The following PABPC4L variants were observed in gnomAD, a reference collection of about 807,000 sequenced individuals.
The protein encoded by PABPC4L is polyadenylate-binding protein 4-like.
For synonymous variants in PABPC4L, 169 were observed against 164.1 expected (o/e 1.03, Z -0.23); for missense variants, 452 against 451.4 (o/e 1.00, Z -0.01).
chr4:134,101,289 T>C, the PABPC4L span, among the ~76,000 whole-genome samples: 1 of 151,562 alleles, frequency 6.6e-6, no homozygotes, highest in Non-Finnish European at 1.5e-5. Flanking sequence ...ATTTTGAAGT[T>C]TTCCATTAAA....
chr4:134,178,276 A>G, the PABPC4L span, among the ~76,000 whole-genome samples: 1 of 151,682 alleles, frequency 6.6e-6, no homozygotes, highest in Non-Finnish European at 1.5e-5. Flanking sequence ...GGTTCCTCCA[A>G]GACCAGGAAT....
chr4:134,060,539 G>C, the PABPC4L span, among the ~76,000 whole-genome samples: 19 of 151,770 alleles, frequency 1.3e-4, no homozygotes, highest in East Asian at 5.9e-4. Flanking sequence ...AGTCAGAGTT[G>C]TGAGGTCACC....
the PABPC4L span, among the ~76,000 whole-genome samples, chr4:134,058,605 C>A: frequency 1.3e-5 from 2 of 151,942 alleles, no homozygotes; most frequent in African/African-American, 4.8e-5. Context: ...ATATGATATC[C>A]TGAGTGTGAA....
chr4:134,100,387 C>T, the PABPC4L span, among the ~76,000 whole-genome samples: 1 of 151,478 alleles, frequency 6.6e-6, no homozygotes, highest in Non-Finnish European at 1.5e-5. Flanking sequence ...ACATTACTTG[C>T]TTTATATAAA....
Position 134,198,082 on chromosome 4 carries a change from A to C in PABPC4L, c.*1825T>G, listed in dbSNP as rs1729722303. The C allele has an allele frequency of 6.6e-6, 1 of 151,792 alleles. No homozygotes were observed. The highest frequency in any genetic ancestry group is 1.5e-5 in the Non-Finnish European group (1 of 67,696). The allele number at this position is 151,792 out of a possible 1,614,324, so 9.4% of individuals were successfully genotyped here. A position where few individuals can be genotyped will look rare whatever the true frequency, so the allele number is the denominator to read the frequency against. On this transcript the variant is annotated 3_prime_UTR_variant, in exon 2 of 2. Coordinates refer to ENST00000421491, the MANE Select transcript of PABPC4L (RefSeq NM_001114734.2). ...ACAAGAAGTTTATCAATAAGAAATT[A>C]GTTATATTTTGGTACAGTCATTGAA...
chr4:134,016,368 G>T, the PABPC4L span, among the ~76,000 whole-genome samples: 1 of 152,094 alleles, frequency 6.6e-6, no homozygotes, highest in Non-Finnish European at 1.5e-5. Context: ...TATCAGTAAT[G>T]CCTCTTTAAT....
the PABPC4L span, among the ~76,000 whole-genome samples, chr4:134,001,809 A>T: frequency 6.6e-6 from 1 of 152,230 alleles, no homozygotes; most frequent in Non-Finnish European, 1.5e-5. Context: ...ATTATAAATC[A>T]TATCTATAGT....
the PABPC4L span, among the ~76,000 whole-genome samples, chr4:134,020,389 T>C: frequency 6.6e-6 from 1 of 152,110 alleles, no homozygotes; most frequent in Non-Finnish European, 1.5e-5. Flanking sequence ...AAACAATCAA[T>C]GTTATTATCT....
chr4:134,067,931 T>A, the PABPC4L span, among the ~76,000 whole-genome samples: 1 of 152,138 alleles, frequency 6.6e-6, no homozygotes, highest in Non-Finnish European at 1.5e-5. Flanking sequence ...TGCTAAGAAT[T>A]ATTTTATGGC....
chr4:133,962,796 C>A, the PABPC4L span, among the ~76,000 whole-genome samples: 1 of 152,148 alleles, frequency 6.6e-6, no homozygotes, highest in African/African-American at 2.4e-5. Context: ...TTCACACAAA[C>A]AAATGCTGAG....
chr4:134,017,252 A>C, the PABPC4L span, among the ~76,000 whole-genome samples: 1 of 152,102 alleles, frequency 6.6e-6, no homozygotes, highest in Non-Finnish European at 1.5e-5. Context: ...AGGACTACAC[A>C]ATACTTTTAT....
chr4:134,165,847 T>C, the PABPC4L span, among the ~76,000 whole-genome samples: 6 of 152,270 alleles, frequency 3.9e-5, no homozygotes, highest in Admixed American at 3.3e-4. Context: ...ATGCTTATCA[T>C]AGCGCCATTC....
chr4:134,098,672 T>C, the PABPC4L span, among the ~76,000 whole-genome samples: 1 of 151,604 alleles, frequency 6.6e-6, no homozygotes, highest in Non-Finnish European at 1.5e-5. Context: ...TATGTAAGCT[T>C]ATGAAAGAGG....
the PABPC4L span, among the ~76,000 whole-genome samples, chr4:134,017,690 C>T: frequency 1.3e-5 from 2 of 152,050 alleles, no homozygotes; most frequent in African/African-American, 2.4e-5. Flanking sequence ...TCTCTTATTC[C>T]GTTTAGTTTT....
the PABPC4L span, among the ~76,000 whole-genome samples, chr4:133,968,163 A>T: frequency 6.6e-6 from 1 of 152,148 alleles, no homozygotes; most frequent in Admixed American, 6.5e-5. Context: ...TGGCATAGGG[A>T]ACTAGACCAG....
At chr4:134,050,577 C>T in the PABPC4L span, among the ~76,000 whole-genome samples, 7 of 151,792 alleles carry the variant, frequency 4.6e-5, no homozygotes, top group Admixed American at 1.3e-4. Flanking sequence ...TGGTAGCAGG[C>T]GCCTGTAAAC....
the PABPC4L span, among the ~76,000 whole-genome samples, chr4:134,144,525 C>G: frequency 6.8e-6 from 1 of 146,022 alleles, no homozygotes; most frequent in East Asian, 2.0e-4. Context: ...AGCAGGGACA[C>G]AGAAAAAAAT....
chr4:134,171,123 G>T, the PABPC4L span, among the ~76,000 whole-genome samples: 1 of 151,750 alleles, frequency 6.6e-6, no homozygotes, highest in Non-Finnish European at 1.5e-5. Context: ...TATGTTTTTG[G>T]CCACTTGTAT....
chr4:134,090,848 T>C, the PABPC4L span, among the ~76,000 whole-genome samples: 1 of 152,038 alleles, frequency 6.6e-6, no homozygotes, highest in African/African-American at 2.4e-5. Flanking sequence ...ACCTTTATCA[T>C]ATAGCGTATT....
Sources: allele counts gnomAD v4.1 joint callset (sites outside exome capture counted in the v4.1 genomes callset), GRCh38; gene constraint gnomAD v4.1.1; transcripts MANE v1.5; gene names NCBI Gene and HGNC (gene_info 2026-07-23, HGNC 2026-07-21).